Variants in GUCY1A2 observed in about 807,000 individuals in gnomAD.
GUCY1A2 encodes the protein guanylate cyclase 1 soluble subunit alpha 2.
In GUCY1A2, 27 loss-of-function variants were observed where a neutral mutation model predicts 63.5. The observed-to-expected ratio is 0.43, with a 90% CI of 0.31 to 0.59. The LOEUF is 0.59. GUCY1A2 is among the 20% of genes least tolerant of loss of function. The pLI is 0.11. For missense variants in GUCY1A2, 768 were observed against 913.3 expected (o/e 0.84, Z 2.05); for synonymous variants, 364 against 343.5 (o/e 1.06, Z -0.66).
At chr11:106,944,215 C>CAAAAAAA (rs71041701) in intron 3 of GUCY1A2, among the ~76,000 whole-genome samples, 1,235 of 21,498 alleles carry the variant, frequency 0.057, 173 homozygotes, top group East Asian at 0.094. Context: ...ACCCTGTCTC[C>CAAAAAAA]AAAAAAAAAA....
At chr11:106,889,104 A>G (rs1279533332) in intron 4 of GUCY1A2, among the ~76,000 whole-genome samples, 1 of 152,202 alleles carries the variant, frequency 6.6e-6, no homozygotes, top group Non-Finnish European at 1.5e-5. Flanking sequence ...GTTCCTTTAA[A>G]TGACTTTTCG....
At chr11:107,004,513 T>G (rs1861647896) in intron 1 of GUCY1A2, among the ~76,000 whole-genome samples, 1 of 152,126 alleles carries the variant, frequency 6.6e-6, no homozygotes, top group Non-Finnish European at 1.5e-5. Flanking sequence ...ACACTATACA[T>G]CAATAAAGTT....
intron 5 of GUCY1A2, among the ~76,000 whole-genome samples, chr11:106,777,434 A>G (rs1302716028): frequency 1.5e-5 from 2 of 134,468 alleles, no homozygotes; most frequent in Admixed American, 7.7e-5. Flanking sequence ...TGACAGAGTG[A>G]GACTTGGTCT....
chr11:106,817,770 T>A (rs778273940), intron 4 of GUCY1A2, among the ~76,000 whole-genome samples: 1 of 151,922 alleles, frequency 6.6e-6, no homozygotes, highest in Non-Finnish European at 1.5e-5. Context: ...AATCATCAGA[T>A]AAATACAAAT....
At chr11:106,814,959 A>C (rs1291951117) in intron 4 of GUCY1A2, among the ~76,000 whole-genome samples, 1 of 152,128 alleles carries the variant, frequency 6.6e-6, no homozygotes, top group Non-Finnish European at 1.5e-5. Context: ...ATTGACGCCA[A>C]CACTAAAATG....
intron 4 of GUCY1A2, among the ~76,000 whole-genome samples, chr11:106,906,037 G>T (rs747808947): frequency 1.3e-5 from 2 of 152,066 alleles, no homozygotes; most frequent in Non-Finnish European, 2.9e-5. Context: ...GCATGGGCAA[G>T]GACTTCCTGA....
At chr11:106,918,250 G>GA in intron 4 of GUCY1A2, among the ~76,000 whole-genome samples, 1 of 143,736 alleles carries the variant, frequency 7.0e-6, no homozygotes, top group Non-Finnish European at 1.6e-5. Flanking sequence ...TTCTCTCCTT[G>GA]AAAAAAAATT....
Position 106,984,356 on chromosome 11 carries a change from T to C in GUCY1A2, c.365+1714A>G, listed in dbSNP as rs187073271. ...AACTAGGAAAAGACCATTCATGCAA[T>C]AGACAAAGAAGCACCACAGACCATG... On this transcript the variant is annotated intron_variant, in intron 2 of 7. Transcript: ENST00000526355. Among the ~76,000 whole-genome samples, 70 of 152,232 alleles carry C rather than the reference T, an allele frequency of 4.6e-4. 1 individual carries two copies. The highest frequency in any genetic ancestry group is 8.7e-4 in the Non-Finnish European group (59 of 67,994).
At chr11:106,863,969 T>C (rs1215496212) in intron 4 of GUCY1A2, among the ~76,000 whole-genome samples, 2 of 152,220 alleles carry the variant, frequency 1.3e-5, no homozygotes, top group East Asian at 1.9e-4. Flanking sequence ...TTTTTGCACA[T>C]TGATTTTGTA....
In GUCY1A2 at chr11:106,684,027, C is replaced by G. The variant is rs1862478044; in HGVS notation, c.*3522G>C. On this transcript the variant is annotated 3_prime_UTR_variant, in exon 8 of 8. Coordinates refer to ENST00000526355, the MANE Select transcript of GUCY1A2 (RefSeq NM_000855.3). The stretch of plus-strand genomic sequence containing the variant: ...ATTTGCAAAATTAAAAGTCTTGCTC[C>G]CCTTGTGAATGAGATTTTGTTTAAG... 5.2e-6 allele frequency: 1 copy of G among 192,548 alleles called. No homozygotes were observed. The highest frequency in any genetic ancestry group is 1.9e-4 in the South Asian group (1 of 5,150). The allele number at this position is 192,548 out of a possible 1,614,324, so 11.9% of individuals were successfully genotyped here.
intron 6 of GUCY1A2, among the ~76,000 whole-genome samples, chr11:106,760,193 T>C (rs1297666541): frequency 6.6e-6 from 1 of 152,174 alleles, no homozygotes; most frequent in Non-Finnish European, 1.5e-5. Flanking sequence ...AGTTTGTTGG[T>C]TCTTTGTTAT....
chr11:106,703,082 G>A (rs946941255), intron 7 of GUCY1A2, among the ~76,000 whole-genome samples: 2 of 152,112 alleles, frequency 1.3e-5, no homozygotes, highest in South Asian at 4.1e-4. Flanking sequence ...GGAAAGATTA[G>A]ACTGGTTTAG....
intron 6 of GUCY1A2, chr11:106,746,594 A>T (rs1451987692): frequency 1.9e-6 from 3 of 1,593,538 alleles, no homozygotes; most frequent in Non-Finnish European, 2.6e-6. Context: ...CTGATCTGGA[A>T]CCAGCTGGAT....
At chr11:106,743,927 A>G (rs1863740546) in intron 6 of GUCY1A2, among the ~76,000 whole-genome samples, 1 of 152,220 alleles carries the variant, frequency 6.6e-6, no homozygotes, top group South Asian at 2.1e-4. Flanking sequence ...ATATGCAGAA[A>G]ACTAAAAGGT....
intron 3 of GUCY1A2, among the ~76,000 whole-genome samples, chr11:106,945,355 C>G (rs945441417): frequency 4.0e-5 from 6 of 150,856 alleles, no homozygotes; most frequent in African/African-American, 1.5e-4. Context: ...TTCCATCACT[C>G]AGTGAAACAC....
At position 106,776,721 on chromosome 11, in the gene GUCY1A2, T is replaced by TA. The variant is rs546034401; in HGVS notation, c.1693-140dup. 139 of 757,082 alleles carry TA rather than the reference T, an allele frequency of 1.8e-4. No individual in the cohort carries two copies. In the East Asian group the frequency reaches 3.5e-3, roughly 19 times the overall value. The allele number at this position is 757,082 out of a possible 1,614,324, so 46.9% of individuals were successfully genotyped here. A position where few individuals can be genotyped will look rare whatever the true frequency, so the allele number is the denominator to read the frequency against. On this transcript the variant is annotated intron_variant, in intron 5 of 7. Coordinates refer to ENST00000526355, the MANE Select transcript of GUCY1A2 (RefSeq NM_000855.3). ...AATTAAGCAATTAGACTACTGTTTA[T>TA]AATCACAGCAGAGTTTGCAAACAGC...
At chr11:106,711,324 C>T (rs1863115106) in intron 6 of GUCY1A2, among the ~76,000 whole-genome samples, 1 of 152,056 alleles carries the variant, frequency 6.6e-6, no homozygotes, top group Non-Finnish European at 1.5e-5. Context: ...AAAAACATTC[C>T]AAGTAAATTA....
chr11:106,992,653 CTG>C (rs1282435320), intron 1 of GUCY1A2, among the ~76,000 whole-genome samples: 1 of 152,064 alleles, frequency 6.6e-6, no homozygotes, highest in Non-Finnish European at 1.5e-5. Flanking sequence ...TCTTAGGAAA[CTG>C]TCTTCAATAA....
intron 5 of GUCY1A2, among the ~76,000 whole-genome samples, chr11:106,803,111 C>T (rs948330229): frequency 6.6e-6 from 1 of 152,124 alleles, no homozygotes; most frequent in Non-Finnish European, 1.5e-5. Context: ...TATGCCACAA[C>T]ACTAAAAGAA....
Sources: allele counts gnomAD v4.1 joint callset (sites outside exome capture counted in the v4.1 genomes callset), GRCh38; gene constraint gnomAD v4.1.1; transcripts MANE v1.5; gene names NCBI Gene and HGNC (gene_info 2026-07-23, HGNC 2026-07-21).